MPP7: variants seen among roughly 807,000 people sequenced by gnomAD.
MPP7 encodes MAGUK p55 scaffold protein 7.
A neutral mutation model predicts 76.5 loss-of-function variants in MPP7; 60 were observed. The observed-to-expected ratio is 0.78, with a 90% CI of 0.64 to 0.97. The LOEUF (loss-of-function observed/expected upper bound fraction) is 0.97. MPP7 is among the 50% of genes least tolerant of loss of function. The pLI is 0.00. For missense variants in MPP7, 641 were observed against 694.0 expected (o/e 0.92, Z 0.86); for synonymous variants, 237 against 244.5 (o/e 0.97, Z 0.29).
Position 28,090,686 on chromosome 10 carries a change from C to T in MPP7, c.953-845G>A, listed in dbSNP as rs553538141. 7.2e-5 allele frequency among the ~76,000 whole-genome samples: 11 copies of T among 152,228 alleles called. No homozygotes were observed. The South Asian group carries it at 8.3e-4, about 12-fold the overall frequency. Reference sequence around the variant, plus strand: ...GTGTGTAGTGTAGCGTGTGCTTATGCGTCAGTCAGGCTGACAGAACAAAGC... The same window carrying T: ...GTGTGTAGTGTAGCGTGTGCTTATGTGTCAGTCAGGCTGACAGAACAAAGC... On this transcript the variant is annotated intron_variant, in intron 11 of 16. Transcript: ENST00000683449.
intron 12 of MPP7, among the ~76,000 whole-genome samples, chr10:28,070,144 T>TTCCAGCACTTTGGGAGGCCGAGGTGGGC (rs1179849996): frequency 2.0e-5 from 3 of 152,206 alleles, no homozygotes; most frequent in African/African-American, 7.2e-5. Flanking sequence ...ATGCCTGTAA[T>TTCCAGCACTTTGGGAGGCCGAGGTGGGC]TCCAGCACTT....
At position 28,120,655 on chromosome 10, in the gene MPP7, C is replaced by A; in HGVS notation, c.629G>T (p.Gly210Val). ...EIIQILAQSQ[G>V]AITFKIIPGS... ...GGGTATAATCTTAAATGTAATTGCT[C>A]CCTGAGACTGAGCCTGGTAACAGAT... The change falls in exon 9 of 17, where the codon GGA (glycine) becomes GTA (valine). Residue 210 changes from glycine (G) to valine (V), a missense_variant. Coordinates refer to ENST00000683449, the MANE Select transcript of MPP7 (RefSeq NM_001318170.2). The A allele has an allele frequency of 6.2e-7, 1 of 1,613,474 alleles. No homozygotes were observed. Among genetic ancestry groups the A allele is most frequent in the Non-Finnish European group, 8.5e-7 (1 of 1,179,668 alleles).
At chr10:28,332,246 C>CGTGTGCGT (rs1554871696) in intron 1 of MPP7, among the ~76,000 whole-genome samples, 3 of 146,794 alleles carry the variant, frequency 2.0e-5, no homozygotes, top group African/African-American at 7.6e-5. Flanking sequence ...CAAATGTATG[C>CGTGTGCGT]GTGTGTGTGT....
intron 1 of MPP7, among the ~76,000 whole-genome samples, chr10:28,332,006 AAG>A (rs1834474954): frequency 6.6e-6 from 1 of 152,166 alleles, no homozygotes; most frequent in Admixed American, 6.5e-5. Flanking sequence ...TGCCCTCTAT[AAG>A]AGAATATAAA....
intron 2 of MPP7, among the ~76,000 whole-genome samples, chr10:28,212,802 G>A (rs1838184476): frequency 6.6e-6 from 1 of 152,180 alleles, no homozygotes. Flanking sequence ...TGAGGACTGA[G>A]AACTAAGCGT....
chr10:28,209,439 A>T (rs1382948396), intron 2 of MPP7, among the ~76,000 whole-genome samples: 1 of 150,858 alleles, frequency 6.6e-6, no homozygotes, highest in Non-Finnish European at 1.5e-5. Context: ...ACTGCACTCC[A>T]GCCTGAGTGA....
At chr10:28,124,190 A>C in intron 7 of MPP7, 74 bp from the exon 8 acceptor site, 1 of 983,270 alleles carries the variant, frequency 1.0e-6, no homozygotes, top group East Asian at 2.4e-5. Context: ...TGTTTCCATA[A>C]GTAAAGCATT....
chr10:28,324,302 G>C (rs527846429), intron 2 of MPP7, among the ~76,000 whole-genome samples: 1 of 152,286 alleles, frequency 6.6e-6, no homozygotes, highest in South Asian at 2.1e-4. Context: ...ATCTGCCAGC[G>C]CCTTGATCTT....
chr10:28,106,451 A>G (rs1256008360), intron 11 of MPP7, among the ~76,000 whole-genome samples: 6 of 152,214 alleles, frequency 3.9e-5, no homozygotes, highest in East Asian at 1.9e-4. Context: ...AAAGTTAATC[A>G]TAAGTTGATT....
At chr10:28,252,290 T>C (rs1446064865) in intron 1 of MPP7, among the ~76,000 whole-genome samples, 2 of 152,226 alleles carry the variant, frequency 1.3e-5, no homozygotes, top group Non-Finnish European at 2.9e-5. Flanking sequence ...TCTGCCGTTT[T>C]ACTCATTAAC....
At chr10:28,257,460 T>C (rs541855777) in intron 1 of MPP7, among the ~76,000 whole-genome samples, 2 of 151,430 alleles carry the variant, frequency 1.3e-5, no homozygotes, top group South Asian at 2.1e-4. Flanking sequence ...ATGGATGAAA[T>C]TGGAAATCAT....
intron 3 of MPP7, among the ~76,000 whole-genome samples, chr10:28,156,284 G>A (rs1039191819): frequency 1.3e-5 from 2 of 152,174 alleles, no homozygotes; most frequent in African/African-American, 2.4e-5. Context: ...AGAGTTTCAC[G>A]CAAGTTCTGG....
At position 28,290,314 on chromosome 10, in the gene MPP7, G is replaced by A. The variant is rs1464231674; in HGVS notation, c.-132+12547C>T. On this transcript the variant is annotated intron_variant, in intron 1 of 16. Coordinates refer to ENST00000683449, the MANE Select transcript of MPP7 (RefSeq NM_001318170.2). ...TTTTTTTTTTTTTTTTTAACATAGA[G>A]AGTATTTCCAGCATATACTAAACTG... 2.8e-5 allele frequency among the ~76,000 whole-genome samples: 4 copies of A among 141,378 alleles called. No homozygotes were observed. The Admixed American group carries it at 2.9e-4, about 10-fold the overall frequency. The allele number at this position is 141,378 out of a possible 152,430, so 92.7% of individuals were successfully genotyped here. A position where few individuals can be genotyped will look rare whatever the true frequency, so the allele number is the denominator to read the frequency against.
At chr10:28,240,507 T>C (rs768420992) in intron 1 of MPP7, among the ~76,000 whole-genome samples, 4 of 152,152 alleles carry the variant, frequency 2.6e-5, no homozygotes, top group Non-Finnish European at 5.9e-5. Context: ...AAGGCTGACA[T>C]AGTTAAAACA....
intron 3 of MPP7, among the ~76,000 whole-genome samples, chr10:28,178,357 T>A (rs1341965319): frequency 6.6e-6 from 1 of 152,006 alleles, no homozygotes; most frequent in East Asian, 1.9e-4. Context: ...CAATCAGCTC[T>A]TTTAACAACT....
rs555186693 is a variant in MPP7, at chr10:28,259,641, G to A, written c.-131-20906C>T. 3.3e-5 allele frequency among the ~76,000 whole-genome samples: 5 copies of A among 151,156 alleles called. No individual in the cohort carries two copies. The South Asian group carries it at 1.0e-3, about 32-fold the overall frequency. On this transcript the variant is annotated intron_variant, in intron 1 of 16. Coordinates refer to ENST00000683449, the MANE Select transcript of MPP7 (RefSeq NM_001318170.2). Reference sequence around the variant, plus strand: ...GAGGGGAGAGAAGAGAAGGATGCAGGGAGGCAGGAGATGAGTTAGTTATGT... The same window carrying A: ...GAGGGGAGAGAAGAGAAGGATGCAGAGAGGCAGGAGATGAGTTAGTTATGT...
intron 1 of MPP7, among the ~76,000 whole-genome samples, chr10:28,286,642 A>C (rs1042757671): frequency 6.6e-6 from 1 of 152,160 alleles, no homozygotes; most frequent in Non-Finnish European, 1.5e-5. Context: ...CATGACATCA[A>C]AATTATCATT....
intron 1 of MPP7, among the ~76,000 whole-genome samples, chr10:28,278,279 G>A (rs549232642): frequency 1.2e-4 from 18 of 152,156 alleles, no homozygotes; most frequent in Admixed American, 4.6e-4. Context: ...CTTTGCAAAC[G>A]ATTCCATACC....
chr10:28,274,690 C>T (rs745475916), intron 1 of MPP7, among the ~76,000 whole-genome samples: 69 of 152,108 alleles, frequency 4.5e-4, no homozygotes, highest in Non-Finnish European at 8.4e-4. Flanking sequence ...CAGCTCAAAC[C>T]CTGGACTACA....
Sources: gnomAD v4.1 joint callset for allele counts (sites outside exome capture counted in the v4.1 genomes callset) on GRCh38, gnomAD v4.1.1 for gene constraint, MANE v1.5 for transcripts, NCBI Gene and HGNC (gene_info 2026-07-23, HGNC 2026-07-21) for gene names.